The following DOCK6 variants were observed in gnomAD, a reference collection of about 807,000 sequenced individuals.
DOCK6 encodes dedicator of cytokinesis 6.
A neutral mutation model predicts 230.3 loss-of-function variants in DOCK6; 167 were observed. The ratio of observed to expected loss-of-function variants is 0.73; its 90% confidence interval spans 0.64 to 0.82. The LOEUF is 0.82. Ranked by LOEUF, DOCK6 falls within the 40% of genes least tolerant of loss-of-function variation. The pLI is 0.00. For synonymous variants in DOCK6, 1,148 were observed against 1,185.0 expected, an observed-to-expected ratio of 0.97 and a Z score of 0.64; for missense variants, 2,598 against 2,825.8, an observed-to-expected ratio of 0.92 and a Z score of 1.83.
rs2079481762 is a variant in DOCK6 at position 11,216,073 on chromosome 19, C to T, written c.3895-146G>A. ...TTGCCTTTTTCCTCTAAATTCTTAG[C>T]ACTTACCAAAAAAAAAATTTTTTTT... is the stretch of plus-strand genomic sequence containing the variant. On this transcript the variant is annotated intron_variant, in intron 30 of 47. Transcript: ENST00000294618. 2.8e-6 allele frequency: 3 copies of T among 1,062,636 alleles called. No individual in the cohort carries two copies. The African/African-American group carries it at 4.8e-5, about 17-fold the overall frequency. The allele number at this position is 1,062,636 out of a possible 1,614,324, so 65.8% of individuals were successfully genotyped here.
intron 47 of DOCK6, among the ~76,000 whole-genome samples, 200 bp from the exon 48 acceptor site, chr19:11,199,739 C>T (rs564190593): frequency 6.6e-6 from 1 of 152,350 alleles, no homozygotes; most frequent in East Asian, 1.9e-4. Context: ...CCCCATTTTA[C>T]AGATGTAGAA....
chr19:11,218,179 CT>C (rs1274995509), intron 28 of DOCK6, among the ~76,000 whole-genome samples: 2 of 151,880 alleles, frequency 1.3e-5, no homozygotes, highest in African/African-American at 4.8e-5. Flanking sequence ...TACAGTCTTG[CT>C]TTGTCACATA....
At chr19:11,242,426 CTG>C (rs2079962322) in intron 13 of DOCK6, among the ~76,000 whole-genome samples, 2 of 152,136 alleles carry the variant, frequency 1.3e-5, no homozygotes, top group Middle Eastern at 3.4e-3. Flanking sequence ...TGGAGTCACT[CTG>C]TTGCTCAGGC....
At position 11,243,113 on chromosome 19, in the gene DOCK6, G is replaced by T; in HGVS notation, c.1426C>A (p.Leu476Met). 1 of 1,613,974 alleles carries T rather than the reference G, an allele frequency of 6.2e-7. No individual in the cohort carries two copies. Among genetic ancestry groups the T allele is most frequent in the East Asian group, 2.2e-5 (1 of 44,870 alleles). ...GACGACGGGCGCCTCATGTCAGCCA[G>T]GAACTTGAAGAGGTCCTCGTCACTG... Reference protein sequence around the residue: ...RLSDEDLFKFLADMRRPSSLL... With the variant: ...RLSDEDLFKFMADMRRPSSLL... Residue 476 changes from leucine (L) to methionine (M), a missense_variant, in exon 13 of 48, where the codon CTG (leucine) becomes ATG (methionine). Coordinates refer to ENST00000294618, the MANE Select transcript of DOCK6 (RefSeq NM_020812.4). The surrounding 1 kb of genome is among the most constrained non-coding windows in gnomAD (Gnocchi z 6.3).
intron 9 of DOCK6, among the ~76,000 whole-genome samples, chr19:11,244,933 T>C (rs2080009588): frequency 6.6e-6 from 1 of 152,144 alleles, no homozygotes; most frequent in South Asian, 2.1e-4. Context: ...TAGAGGCCAC[T>C]CTGGGCATGG....
chr19:11,217,407 A>G lies in DOCK6; in HGVS notation c.3551-16T>C, dbSNP rs946692344. 3.1e-6 allele frequency: 5 copies of G among 1,609,222 alleles called. No individual in the cohort carries two copies. The highest frequency in any genetic ancestry group is 2.7e-5 in the African/African-American group (2 of 74,888). Reference sequence around the variant, plus strand: ...CCTGGGCCCTCTGGCAGGGAAAGACAGAGGGAAAGAAAGATAAACCCTTGG... The same window carrying G: ...CCTGGGCCCTCTGGCAGGGAAAGACGGAGGGAAAGAAAGATAAACCCTTGG... On this transcript the variant is annotated splice_polypyrimidine_tract_variant and intron_variant, in intron 28 of 47. Coordinates refer to ENST00000294618, the MANE Select transcript of DOCK6 (RefSeq NM_020812.4).
chr19:11,201,120 G>C lies in DOCK6; in HGVS notation c.5689-68C>G, dbSNP rs560371838. 2.8e-5 allele frequency: 45 copies of C among 1,580,720 alleles called. No homozygotes were observed. In the African/African-American group the frequency reaches 6.0e-4, roughly 21 times the overall value. On this transcript the variant is annotated intron_variant, in intron 44 of 47. Coordinates refer to ENST00000294618, the MANE Select transcript of DOCK6 (RefSeq NM_020812.4). This position sits in a 1 kb window ranked among gnomAD's most constrained non-coding sequence, Gnocchi z 4.3. ...GAGGTCCTGATCGAAGCCAGTCGGGGGCAGCTCAGACCCCGCTGGGAGTGA... is the reference window on the plus strand; with the variant it reads ...GAGGTCCTGATCGAAGCCAGTCGGGCGCAGCTCAGACCCCGCTGGGAGTGA...
intron 37 of DOCK6, 89 bp from the exon 38 acceptor site, chr19:11,209,192 C>G: frequency 6.9e-7 from 1 of 1,457,194 alleles, no homozygotes; most frequent in East Asian, 2.5e-5. Flanking sequence ...TCACTGGTTA[C>G]CCCCATGTCC....
chr19:11,243,847 C>A lies in DOCK6; in HGVS notation c.1059G>T (p.Glu353Asp), dbSNP rs556140712. ...TCAACACCATGTAAGGCTCACAGCA[C>A]TCACTGATGTCCCCTTGCTGAAGCA... ...EKVLQQGDIS[E>D]CCEPYMVLKE... Residue 353 changes from glutamate (E) to aspartate (D), a missense_variant, in exon 10 of 48, where the codon GAG becomes GAT. Physicochemically the swap from Glu to Asp is conservative, Grantham distance 45 (BLOSUM62 2). Transcript: ENST00000294618. This position sits in a 1 kb window ranked among gnomAD's most constrained non-coding sequence, Gnocchi z 6.3. 1.2e-6 allele frequency: 2 copies of A among 1,612,890 alleles called. No individual in the cohort carries two copies. The highest frequency in any genetic ancestry group is 2.2e-5 in the South Asian group (2 of 90,722).
chr19:11,261,840 C>CT (rs1366682584), intron 1 of DOCK6, among the ~76,000 whole-genome samples: 1 of 140,844 alleles, frequency 7.1e-6, no homozygotes, highest in Non-Finnish European at 1.5e-5. Context: ...AGCTGTCCCC[C>CT]TTCCCCCCCC....
chr19:11,232,383 G>A, intron 22 of DOCK6: 14 of 928,342 alleles, frequency 1.5e-5, no homozygotes, highest in Non-Finnish European at 2.1e-5. Flanking sequence ...GACCATACAT[G>A]TGCCCACATG....
chr19:11,215,549 T>A, intron 31 of DOCK6, 78 bp from the exon 32 acceptor site: 3 of 1,450,426 alleles, frequency 2.1e-6, no homozygotes, highest in Non-Finnish European at 2.9e-6. Context: ...TGCACAGGCA[T>A]GAAGATATTC....
chr19:11,243,632 C>A lies in DOCK6; in HGVS notation c.1183G>T (p.Ala395Ser), dbSNP rs868514448. 6.2e-7 allele frequency: 1 copy of A among 1,612,424 alleles called. No individual in the cohort carries two copies. Among genetic ancestry groups the A allele is most frequent in the South Asian group, 1.1e-5 (1 of 90,954 alleles). Residue 395 changes from alanine (A) to serine (S), a missense_variant, in exon 11 of 48, where the codon GCC becomes TCC. Coordinates refer to ENST00000294618, the MANE Select transcript of DOCK6 (RefSeq NM_020812.4). The surrounding 1 kb of genome is among the most constrained non-coding windows in gnomAD (Gnocchi z 6.3). ...TTGGCCAAGTGCACGGCCGTCCAGGCGAAGGGCATGCGGTAGCGGCCCAGG... is the reference window on the plus strand; with the variant it reads ...TTGGCCAAGTGCACGGCCGTCCAGGAGAAGGGCATGCGGTAGCGGCCCAGG... ...TRLGRYRMPFAWTAVHLANIV... is the reference protein window; with the variant it reads ...TRLGRYRMPFSWTAVHLANIV...
intron 1 of DOCK6, 113 bp downstream of exon 1, chr19:11,262,284 G>A (rs976729455): frequency 4.6e-5 from 32 of 690,028 alleles, no homozygotes; most frequent in Non-Finnish European, 5.7e-5. Context: ...CGGGACCCGG[G>A]CCGAGGCGGA....
chr19:11,240,117 C>G lies in DOCK6; in HGVS notation c.1644-1813G>C, dbSNP rs765612211. 1.9e-6 allele frequency: 3 copies of G among 1,551,420 alleles called. No homozygotes were observed. The South Asian group carries it at 3.6e-5, about 18-fold the overall frequency. On this transcript the variant is annotated intron_variant, in intron 14 of 47. Coordinates refer to ENST00000294618, the MANE Select transcript of DOCK6 (RefSeq NM_020812.4). ...ATGAGTTGGACATCCTACTAGTGACCCACTGTTTATTAAGCAGATGGAGGA... is the reference window on the plus strand; with the variant it reads ...ATGAGTTGGACATCCTACTAGTGACGCACTGTTTATTAAGCAGATGGAGGA...
chr19:11,205,996 A>G (rs1447402176), intron 39 of DOCK6: 1 of 152,202 alleles, frequency 6.6e-6, no homozygotes, highest in African/African-American at 2.4e-5. Context: ...CTAAAGGGCC[A>G]GCACCACAGA....
At chr19:11,207,057 ACTC>A (rs2079274165) in intron 39 of DOCK6, among the ~76,000 whole-genome samples, 1 of 150,004 alleles carries the variant, frequency 6.7e-6, no homozygotes, top group Non-Finnish European at 1.5e-5. Flanking sequence ...CTATTCTTGA[ACTC>A]CTGACCTCGT....
Position 11,214,355 on chromosome 19 carries a change from C to T in DOCK6, c.4258G>A (p.Val1420Met). The T allele has an allele frequency of 6.2e-7, 1 of 1,613,714 alleles. No homozygotes were observed. Among genetic ancestry groups the T allele is most frequent in the Non-Finnish European group, 8.5e-7 (1 of 1,179,890 alleles). ...TGGGCACTGCCCAGGCTGTACAGCA[C>T]AACCTTCAGCACTGCCCCCAAGACG... Reference protein sequence around the residue: ...ESVLGAVLKVVLYSLGSAQSA... With the variant: ...ESVLGAVLKVMLYSLGSAQSA... Residue 1420 changes from valine to methionine, a missense_variant, in exon 34 of 48, where the codon GTG becomes ATG. Transcript: ENST00000294618.
chr19:11,203,333 G>A (rs2079201802), intron 41 of DOCK6: 1 of 161,324 alleles, frequency 6.2e-6, no homozygotes. Context: ...AGAGGTGTGG[G>A]GGACAGAGAG....
Sources: gnomAD v4.1 joint callset for allele counts (sites outside exome capture counted in the v4.1 genomes callset) on GRCh38, gnomAD v4.1.1 for gene constraint, Gnocchi (gnomAD v3.1) non-coding constraint, MANE v1.5 for transcripts, NCBI Gene and HGNC (gene_info 2026-07-23, HGNC 2026-07-21) for gene names.